Variants in PRKACB observed in about 807,000 individuals in gnomAD.
The protein encoded by PRKACB is protein kinase cAMP-activated catalytic subunit beta.
Under a neutral mutation model 51.4 loss-of-function variants are expected in PRKACB, and 16 were observed. The ratio of observed to expected loss-of-function variants is 0.31; its 90% CI spans 0.21 to 0.47. The LOEUF (loss-of-function observed/expected upper bound fraction) is 0.47, where lower values mean the gene tolerates loss of function less well. PRKACB is among the 20% of genes least tolerant of loss of function. The pLI is 1.00. For synonymous variants in PRKACB, 147 were observed against 154.4 expected (o/e 0.95, Z 0.35); for missense variants, 309 against 464.5 (o/e 0.67, Z 3.08).
chr1:84,152,777 A>G (rs971353808), intron 1 of PRKACB, among the ~76,000 whole-genome samples: 27 of 152,152 alleles, frequency 1.8e-4, no homozygotes, highest in Non-Finnish European at 3.8e-4. Flanking sequence ...TTTCCAGACC[A>G]CACAACTTTC....
At chr1:84,187,669 C>T (rs1361087733) in intron 5 of PRKACB, among the ~76,000 whole-genome samples, 1 of 152,098 alleles carries the variant, frequency 6.6e-6, no homozygotes, top group Non-Finnish European at 1.5e-5. Context: ...AGGACCTTGT[C>T]TAGTCTATAG....
At position 84,082,672 on chromosome 1, in the gene PRKACB, C is replaced by G. The variant is rs1005313032; in HGVS notation, c.46+4301C>G. Among the ~76,000 whole-genome samples the G allele has an allele frequency of 5.3e-5, 8 of 152,108 alleles. No homozygotes were observed. The East Asian group carries it at 1.5e-3, about 29-fold the overall frequency. ...AACATTCTGTGATAATGGAAGTGAT[C>G]TCCACCTATGCTGTCCACTGTAGTA... On this transcript the variant is annotated intron_variant, in intron 1 of 8. Coordinates refer to the PRKACB transcript ENST00000370688.
intron 6 of PRKACB, 78 bp downstream of exon 6, chr1:84,196,820 G>T: frequency 7.1e-7 from 1 of 1,415,638 alleles, no homozygotes; most frequent in Non-Finnish European, 9.5e-7. Context: ...ACCCCAACTT[G>T]GAATTTTTTT....
intron 9 of PRKACB, among the ~76,000 whole-genome samples, chr1:84,225,720 T>C (rs370132038): frequency 2.5e-3 from 384 of 152,196 alleles, no homozygotes; most frequent in African/African-American, 8.9e-3. Context: ...ACGAGGGTTG[T>C]GGGGATCTTA....
At chr1:84,108,236 T>C (rs1054039355) in intron 1 of PRKACB, among the ~76,000 whole-genome samples, 2 of 151,856 alleles carry the variant, frequency 1.3e-5, no homozygotes, top group Non-Finnish European at 2.9e-5. Context: ...GAAAACCAAC[T>C]ATCACATGTT....
intron 8 of PRKACB, among the ~76,000 whole-genome samples, chr1:84,204,151 C>T (rs1670919761): frequency 6.6e-6 from 1 of 151,966 alleles, no homozygotes; most frequent in African/African-American, 2.4e-5. Context: ...TTCCCTATCT[C>T]ATAGTACATA....
Position 84,103,912 on chromosome 1 carries a change from A to G in PRKACB, c.46+25541A>G, listed in dbSNP as rs529036718. On this transcript the variant is annotated intron_variant, in intron 1 of 8. Transcript: ENST00000370688. ...TATTTTGATACATATGTAATGTGTA[A>G]TGATCAAATCAGGGTAATTAGTATT... Among the ~76,000 whole-genome samples, 10 of 152,318 alleles carry G rather than the reference A, an allele frequency of 6.6e-5. No individual in the cohort carries two copies. The South Asian group carries it at 2.1e-3, about 32-fold the overall frequency.
At chr1:84,078,320 C>T in exon 1 of PRKACB, 1 of 1,611,042 alleles carries the variant, frequency 6.2e-7, no homozygotes. Flanking sequence ...TGCCATCGCC[C>T]CAGACATGGG....
intron 3 of PRKACB, among the ~76,000 whole-genome samples, chr1:84,183,420 GTCC>G (rs1664160220): frequency 1.3e-5 from 2 of 151,626 alleles, no homozygotes. Flanking sequence ...TATTTTGTGT[GTCC>G]TCTTCTATGG....
chr1:84,144,121 G>C (rs2100598014), upstream of PRKACB: 1 of 571,712 alleles, frequency 1.7e-6, no homozygotes, highest in East Asian at 4.2e-5. Context: ...CAAACATAAA[G>C]CCTTTTAGGC....
chr1:84,211,171 A>T lies in PRKACB; in HGVS notation c.907-2982A>T, dbSNP rs544532491. ...CACACACACACACACGTTCAAGACC[A>T]TCACTTTATTTGCATTCCAAAATAA... On this transcript the variant is annotated intron_variant, in intron 8 of 9. Coordinates refer to ENST00000370685, the MANE Select transcript of PRKACB (RefSeq NM_182948.4). 1.1e-3 allele frequency among the ~76,000 whole-genome samples: 163 copies of T among 151,726 alleles called. 1 individual carries two copies. The highest frequency in any genetic ancestry group is 3.8e-3 in the African/African-American group (158 of 41,390).
intron 6 of PRKACB, among the ~76,000 whole-genome samples, chr1:84,197,070 G>A (rs1398740348): frequency 2.6e-5 from 4 of 152,072 alleles, no homozygotes; most frequent in South Asian, 4.1e-4. Flanking sequence ...ATAAACCTAT[G>A]AAGTGGAAAT....
At chr1:84,105,092 A>G (rs1350849052) in intron 1 of PRKACB, among the ~76,000 whole-genome samples, 1 of 152,046 alleles carries the variant, frequency 6.6e-6, no homozygotes, top group Non-Finnish European at 1.5e-5. Flanking sequence ...AGCTGACTGA[A>G]AATTTCTTAA....
At chr1:84,116,576 T>G (rs779944643) in intron 1 of PRKACB, among the ~76,000 whole-genome samples, 1 of 152,188 alleles carries the variant, frequency 6.6e-6, no homozygotes, top group Non-Finnish European at 1.5e-5. Context: ...GTATTCTTTT[T>G]GTAGCTATTT....
rs185863221 is a variant in PRKACB at position 84,169,062 on chromosome 1, A to G, written c.188-10115A>G. Among the ~76,000 whole-genome samples the G allele has an allele frequency of 4.1e-3, 621 of 151,712 alleles. 2 individuals carry two copies. Among genetic ancestry groups the G allele is most frequent in the Non-Finnish European group, 7.6e-3 (514 of 67,686 alleles). ...AAATGAGAAGGGCCAAAGAAAAACC[A>G]CTTACCTTATTTGGGGCATTTGTAA... On this transcript the variant is annotated intron_variant, in intron 1 of 9. Coordinates refer to ENST00000370685, the MANE Select transcript of PRKACB (RefSeq NM_182948.4).
rs1011525566 is a variant in PRKACB, at chr1:84,237,934, C to G, written c.*2629C>G. On this transcript the variant is annotated 3_prime_UTR_variant, in exon 10 of 10. Coordinates refer to ENST00000370685, the MANE Select transcript of PRKACB (RefSeq NM_182948.4). ...AGTTTGTAAGATTCCTCCTAACTTT[C>G]ACAGTCGATGACAAGATTGTCTTTT... 1.3e-5 allele frequency: 2 copies of G among 152,130 alleles called. No homozygotes were observed. Among genetic ancestry groups the G allele is most frequent in the African/African-American group, 4.8e-5 (2 of 41,448 alleles). The allele number at this position is 152,130 out of a possible 1,614,324, so 9.4% of individuals were successfully genotyped here.
chr1:84,115,217 T>C (rs554400761), intron 1 of PRKACB, among the ~76,000 whole-genome samples: 1 of 152,128 alleles, frequency 6.6e-6, no homozygotes, highest in South Asian at 2.1e-4. Flanking sequence ...TTTTTTTTAA[T>C]GATAGCCATT....
At position 84,235,453 on chromosome 1, in the gene PRKACB, G is replaced by A. The variant is rs1676581850; in HGVS notation, c.*148G>A. ...GGTCTTTATTGCCATCATCCCGTGT[G>A]CGCACTCTGCATCCACCTATGTAAC... On this transcript the variant is annotated 3_prime_UTR_variant, in exon 10 of 10. Coordinates refer to ENST00000370685, the MANE Select transcript of PRKACB (RefSeq NM_182948.4). 3.0e-6 allele frequency: 3 copies of A among 1,001,858 alleles called. No homozygotes were observed. Among genetic ancestry groups the A allele is most frequent in the Non-Finnish European group, 4.4e-6 (3 of 683,978 alleles). The allele number at this position is 1,001,858 out of a possible 1,614,324, so 62.1% of individuals were successfully genotyped here.
At chr1:84,100,814 GA>G (rs1020404865) in intron 1 of PRKACB, among the ~76,000 whole-genome samples, 1 of 152,100 alleles carries the variant, frequency 6.6e-6, no homozygotes, top group Non-Finnish European at 1.5e-5. Flanking sequence ...TTTGAGGTGG[GA>G]ACCATGATTG....
Sources: gnomAD v4.1 joint callset for allele counts (sites outside exome capture counted in the v4.1 genomes callset) on GRCh38, gnomAD v4.1.1 for gene constraint, MANE v1.5 for transcripts, NCBI Gene and HGNC (gene_info 2026-07-23, HGNC 2026-07-21) for gene names.